Variants in DHX40 observed in about 807,000 individuals in gnomAD.
DHX40 encodes DEAH-box helicase 40, also known as probable ATP-dependent RNA helicase DHX40.
In DHX40, 28 loss-of-function variants were observed where a neutral mutation model predicts 89.6. The observed-to-expected ratio is 0.31, with a 90% CI of 0.23 to 0.43. The LOEUF is 0.43. Ranked by LOEUF, DHX40 falls within the 20% of genes least tolerant of loss-of-function variation. The pLI is 1.00. For synonymous variants in DHX40, 226 were observed against 283.6 expected (o/e 0.80, Z 2.04); for missense variants, 457 against 844.0 (o/e 0.54, Z 5.68).
At chr17:59,591,203 G>A (rs78029174) in intron 12 of DHX40, among the ~76,000 whole-genome samples, 8,780 of 151,518 alleles carry the variant, frequency 0.058, 859 homozygotes, top group African/African-American at 0.19. Context: ...CTACTGGGGA[G>A]GCTGAGGCGG....
Position 59,607,163 on chromosome 17 carries a change from A to T in DHX40, c.2331A>T (p.Glu777Asp). Residue 777 changes from glutamate to aspartate, a missense_variant, in exon 18 of 18, where the codon GAA (glutamate) becomes GAT (aspartate). Glu to Asp is a conservative substitution (Grantham distance 45). Transcript: ENST00000251241. ...RTQDHSDTRK[E>D]TG The stretch of plus-strand genomic sequence containing the variant: ...AGGACCACAGTGACACACGAAAGGA[A>T]ACAGGCTAAGGTGGTGAACCCTCCA... The T allele has an allele frequency of 6.2e-7, 1 of 1,614,230 alleles. No individual in the cohort carries two copies. Among genetic ancestry groups the T allele is most frequent in the Non-Finnish European group, 8.5e-7 (1 of 1,180,044 alleles).
chr17:59,570,272 C>T (rs1217629910), intron 2 of DHX40, among the ~76,000 whole-genome samples: 1 of 105,946 alleles, frequency 9.4e-6, no homozygotes, highest in African/African-American at 3.7e-5. Context: ...ATAATATAAA[C>T]TGGATTTATA....
At chr17:59,606,959 T>C (rs2030899000) in intron 17 of DHX40, 74 bp from the exon 18 acceptor site, 1 of 1,359,900 alleles carries the variant, frequency 7.4e-7, no homozygotes, top group Non-Finnish European at 1.0e-6. Context: ...AAATCAGGGC[T>C]TCTCTTTCTC....
chr17:59,574,631 T>C (rs1437778970), intron 6 of DHX40, among the ~76,000 whole-genome samples: 4 of 149,408 alleles, frequency 2.7e-5, no homozygotes, highest in Non-Finnish European at 5.9e-5. Context: ...ACTGACCTTT[T>C]AATAGAAAGA....
chr17:59,590,528 C>T (rs1377705237), intron 12 of DHX40, among the ~76,000 whole-genome samples: 2 of 151,548 alleles, frequency 1.3e-5, no homozygotes, highest in African/African-American at 2.4e-5. Context: ...AATGCAGTGG[C>T]GTGATCTTGG....
chr17:59,570,554 C>T lies in DHX40; in HGVS notation c.317C>T (p.Pro106Leu). The change falls in exon 3 of 18, where the codon CCA (proline) becomes CTA (leucine). Residue 106 changes from proline to leucine, a missense_variant. Transcript: ENST00000251241. ...CATGGTATGATTGGTGTAACTCAAC[C>T]ACGAAAAGTAGCTGCTATATCAGTT... ...SQHGMIGVTQ[P>L]RKVAAISVAQ... The T allele has an allele frequency of 1.2e-6, 2 of 1,606,080 alleles. No individual in the cohort carries two copies. Among genetic ancestry groups the T allele is most frequent in the Non-Finnish European group, 1.7e-6 (2 of 1,176,334 alleles).
chr17:59,592,330 T>A (rs149997685), intron 12 of DHX40, among the ~76,000 whole-genome samples: 8,634 of 151,602 alleles, frequency 0.057, 708 homozygotes, highest in African/African-American at 0.18. Context: ...TGATATTTGT[T>A]TACAGTTAAT....
At chr17:59,571,044 GT>G (rs1181223841) in intron 3 of DHX40, among the ~76,000 whole-genome samples, 1 of 151,966 alleles carries the variant, frequency 6.6e-6, no homozygotes, top group Admixed American at 6.6e-5. Flanking sequence ...TCTTATTTAT[GT>G]TTTTTAACTG....
At chr17:59,575,254 A>G in intron 6 of DHX40, 86 bp from the exon 7 acceptor site, 1 of 1,111,878 alleles carries the variant, frequency 9.0e-7, no homozygotes, top group Non-Finnish European at 1.2e-6. Flanking sequence ...TTTTAGGCAA[A>G]ATTAATTTTA....
chr17:59,598,095 G>C (rs1285514205), intron 12 of DHX40, among the ~76,000 whole-genome samples: 2 of 151,932 alleles, frequency 1.3e-5, no homozygotes, highest in Admixed American at 6.6e-5. Context: ...TTGACCTCCT[G>C]GGCTCAATTG....
rs113613209 is a variant in DHX40 at position 59,597,891 on chromosome 17, C to T, written c.1583-846C>T. 6.2e-3 allele frequency among the ~76,000 whole-genome samples: 924 copies of T among 149,582 alleles called. 5 individuals are homozygous for T. Among genetic ancestry groups the T allele is most frequent in the African/African-American group, 0.021 (858 of 40,544 alleles). ...CGGAGCTTGCAGTGAGCCGAGATCGCGCCACTACACTCCAGTCTGGGCGAT... is the reference window on the plus strand; with the variant it reads ...CGGAGCTTGCAGTGAGCCGAGATCGTGCCACTACACTCCAGTCTGGGCGAT... On this transcript the variant is annotated intron_variant, in intron 12 of 17. Coordinates refer to ENST00000251241, the MANE Select transcript of DHX40 (RefSeq NM_024612.5).
At position 59,575,333 on chromosome 17, in the gene DHX40, A is replaced by G. The variant is rs2048865887; in HGVS notation, c.842-7A>G. ...TTGCTGAAGTTATTTTTTTCTTCCCATTTTAGGCCAGTTTGAAATAGAAAA... is the reference window on the plus strand; with the variant it reads ...TTGCTGAAGTTATTTTTTTCTTCCCGTTTTAGGCCAGTTTGAAATAGAAAA... On this transcript the variant is annotated splice_region_variant and splice_polypyrimidine_tract_variant and intron_variant, in intron 6 of 17. Transcript: ENST00000251241. The G allele has an allele frequency of 6.4e-7, 1 of 1,552,482 alleles. No individual in the cohort carries two copies. The highest frequency in any genetic ancestry group is 2.3e-5 in the East Asian group (1 of 43,630).
intron 12 of DHX40, among the ~76,000 whole-genome samples, chr17:59,592,614 G>C (rs543652123): frequency 1.4e-5 from 2 of 146,496 alleles, no homozygotes; most frequent in East Asian, 2.0e-4. Context: ...GTCTTGCTCT[G>C]TCATCCAGGG....
At chr17:59,580,958 T>A (rs1185487047) in intron 10 of DHX40, among the ~76,000 whole-genome samples, 2 of 150,628 alleles carry the variant, frequency 1.3e-5, no homozygotes, top group African/African-American at 5.0e-5. Context: ...GGCACGTGAT[T>A]GTAGTCCCAG....
intron 2 of DHX40, among the ~76,000 whole-genome samples, chr17:59,567,868 C>T (rs2048729360): frequency 1.4e-5 from 2 of 147,362 alleles, no homozygotes; most frequent in Admixed American, 6.8e-5. Context: ...GGAGGCGGAG[C>T]TTGCAGTGAG....
chr17:59,601,695 C>T (rs2030537969), intron 14 of DHX40, among the ~76,000 whole-genome samples: 1 of 151,954 alleles, frequency 6.6e-6, no homozygotes, highest in Non-Finnish European at 1.5e-5. Context: ...TACATCATAC[C>T]TGATAATTTT....
At chr17:59,577,890 A>T (rs1487436398) in intron 8 of DHX40, among the ~76,000 whole-genome samples, 1 of 152,030 alleles carries the variant, frequency 6.6e-6, no homozygotes, top group Non-Finnish European at 1.5e-5. Flanking sequence ...ACCTTAGATG[A>T]TTTGATATTT....
intron 14 of DHX40, 60 bp from the exon 15 acceptor site, chr17:59,602,462 T>C (rs1275202097): frequency 7.0e-7 from 1 of 1,425,170 alleles, no homozygotes; most frequent in Non-Finnish European, 9.6e-7. Context: ...TTTTTCAAAA[T>C]AAAAGATTAT....
At chr17:59,590,449 C>CTT (rs1348850993) in intron 12 of DHX40, among the ~76,000 whole-genome samples, 2 of 146,540 alleles carry the variant, frequency 1.4e-5, no homozygotes, top group African/African-American at 5.2e-5. Context: ...AGTTTGCAGT[C>CTT]TTTTTTTTTT....
Sources: allele counts gnomAD v4.1 joint callset (sites outside exome capture counted in the v4.1 genomes callset), GRCh38; gene constraint gnomAD v4.1.1; transcripts MANE v1.5; gene names NCBI Gene and HGNC (gene_info 2026-07-23, HGNC 2026-07-21).